The following LAMA2 variants were observed in gnomAD, a reference collection of about 807,000 sequenced individuals.
The protein encoded by LAMA2 is laminin subunit alpha 2.
LAMA2 carries 269 observed loss-of-function variants against 364.8 expected under a neutral mutation model. The observed-to-expected ratio is 0.74, with a 90% CI of 0.67 to 0.82. LAMA2 has a LOEUF of 0.82. LAMA2 is among the 40% of genes least tolerant of loss of function. The pLI is 0.00. For missense variants in LAMA2, 3,807 were observed against 3,873.2 expected (o/e 0.98, Z 0.45); for synonymous variants, 1,379 against 1,370.6 (o/e 1.01, Z -0.14).
chr6:129,276,146 C>T (rs1469310511), intron 17 of LAMA2, among the ~76,000 whole-genome samples: 6 of 152,002 alleles, frequency 3.9e-5, no homozygotes, highest in African/African-American at 1.4e-4. Flanking sequence ...TGCCCCTTTT[C>T]AGTTATGTGT....
chr6:129,034,391 T>G (rs1786462230), intron 1 of LAMA2, among the ~76,000 whole-genome samples: 1 of 152,150 alleles, frequency 6.6e-6, no homozygotes, highest in Non-Finnish European at 1.5e-5. Flanking sequence ...AGAGGTGCAC[T>G]ATTTTGTCCT....
intron 1 of LAMA2, among the ~76,000 whole-genome samples, chr6:128,886,187 AG>A (rs767034871): frequency 1.6e-4 from 24 of 152,148 alleles, no homozygotes; most frequent in Admixed American, 5.9e-4. Flanking sequence ...AAATTGATAG[AG>A]GTGGCTAAGC....
At chr6:129,156,010 A>G (rs1779092411) in intron 8 of LAMA2, among the ~76,000 whole-genome samples, 1 of 151,950 alleles carries the variant, frequency 6.6e-6, no homozygotes, top group Non-Finnish European at 1.5e-5. Flanking sequence ...TACATTGAAG[A>G]TATTTATTGT....
intron 1 of LAMA2, among the ~76,000 whole-genome samples, chr6:129,032,848 G>A (rs1018338759): frequency 2.6e-5 from 4 of 152,052 alleles, no homozygotes. Context: ...AACGACTCCC[G>A]GTTTTCTCTA....
intron 63 of LAMA2, among the ~76,000 whole-genome samples, chr6:129,512,950 T>C (rs1204844043): frequency 3.3e-5 from 5 of 152,156 alleles, no homozygotes; most frequent in Non-Finnish European, 5.9e-5. Context: ...TCTCAATTTG[T>C]TTAAAAAAGC....
intron 1 of LAMA2, among the ~76,000 whole-genome samples, chr6:128,884,582 T>C (rs1161527468): frequency 6.6e-6 from 1 of 152,186 alleles, no homozygotes; most frequent in East Asian, 1.9e-4. Flanking sequence ...AACTCCCTGA[T>C]TAAAATTCTT....
chr6:129,149,224 G>T, intron 7 of LAMA2, 128 bp downstream of exon 7: 1 of 724,858 alleles, frequency 1.4e-6, no homozygotes, highest in Admixed American at 1.9e-5. Context: ...TTATCACTTC[G>T]AAGACAACCC....
rs147847417 is a variant in LAMA2 at position 129,289,676 on chromosome 6, T to C, written c.2749+1618T>C. ...TTAATTATTATTTTATTATGGTAAT[T>C]AATTATTGTAGAAAATTATTATGGG... On this transcript the variant is annotated intron_variant, in intron 19 of 64. Coordinates refer to ENST00000421865, the MANE Select transcript of LAMA2 (RefSeq NM_000426.4). 4.2e-3 allele frequency among the ~76,000 whole-genome samples: 643 copies of C among 152,196 alleles called. 2 individuals are homozygous for C. Among genetic ancestry groups the C allele is most frequent in the African/African-American group, 0.014 (594 of 41,532 alleles).
At chr6:129,201,230 A>C (rs1252989026) in intron 12 of LAMA2, among the ~76,000 whole-genome samples, 1 of 152,182 alleles carries the variant, frequency 6.6e-6, no homozygotes, top group Non-Finnish European at 1.5e-5. Flanking sequence ...GTATATTGAG[A>C]AAAAAGCCAA....
chr6:129,257,924 ATTGT>A lies in LAMA2; in HGVS notation c.2097-2782_2097-2779del, dbSNP rs561405685. Among the ~76,000 whole-genome samples the A allele has an allele frequency of 1.4e-4, 22 of 152,196 alleles. No homozygotes were observed. In the South Asian group the frequency reaches 1.7e-3, roughly 11 times the overall value. On this transcript the variant is annotated intron_variant, in intron 14 of 64. Coordinates refer to ENST00000421865, the MANE Select transcript of LAMA2 (RefSeq NM_000426.4). ...TCCTTTGCCATGGAGTTTGTTAGTCATTGTTTGTAATAGAACTGTTTTCCATTCA... is the reference window on the plus strand; with the variant it reads ...TCCTTTGCCATGGAGTTTGTTAGTCATTGTAATAGAACTGTTTTCCATTCA...
chr6:128,897,819 C>T (rs1776860979), intron 1 of LAMA2, among the ~76,000 whole-genome samples: 1 of 152,118 alleles, frequency 6.6e-6, no homozygotes. Flanking sequence ...AATGGAAGTC[C>T]TATCGGCCAG....
At chr6:129,309,509 AG>A (rs771100260) in intron 22 of LAMA2, among the ~76,000 whole-genome samples, 24 of 152,256 alleles carry the variant, frequency 1.6e-4, no homozygotes, top group Non-Finnish European at 2.6e-4. Context: ...GATGCCTCAC[AG>A]GATAATTTAA....
chr6:128,929,393 A>AT, intron 1 of LAMA2: 1 of 927,974 alleles, frequency 1.1e-6, no homozygotes, highest in Non-Finnish European at 1.8e-6. Context: ...TCATGTGAGG[A>AT]TGAGTGATAG....
At chr6:129,327,646 G>A (rs1385331641) in intron 28 of LAMA2, among the ~76,000 whole-genome samples, 1 of 152,164 alleles carries the variant, frequency 6.6e-6, no homozygotes, top group Admixed American at 6.5e-5. Flanking sequence ...AAATGAAGAT[G>A]GAAGTCTTGA....
intron 12 of LAMA2, among the ~76,000 whole-genome samples, chr6:129,203,311 A>G (rs1258682912): frequency 6.6e-6 from 1 of 152,220 alleles, no homozygotes; most frequent in Non-Finnish European, 1.5e-5. Context: ...AACTATCTGT[A>G]TCCAGTGGAT....
intron 12 of LAMA2, among the ~76,000 whole-genome samples, chr6:129,225,554 A>G (rs1784197000): frequency 6.6e-6 from 1 of 152,160 alleles, no homozygotes; most frequent in Non-Finnish European, 1.5e-5. Flanking sequence ...CATTAGTTTC[A>G]AAGAACATCT....
chr6:129,055,204 T>TTATTATTATTAG (rs1260815497), intron 2 of LAMA2, among the ~76,000 whole-genome samples: 2 of 149,548 alleles, frequency 1.3e-5, no homozygotes, highest in Non-Finnish European at 3.0e-5. Context: ...ATTATTATTA[T>TTATTATTATTAG]TATTTGAGAT....
intron 34 of LAMA2, among the ~76,000 whole-genome samples, chr6:129,372,904 G>A (rs890484983): frequency 2.6e-5 from 4 of 152,096 alleles, no homozygotes; most frequent in African/African-American, 9.7e-5. Context: ...ATATGATGTC[G>A]AGCATCTTTT....
intron 38 of LAMA2, among the ~76,000 whole-genome samples, chr6:129,401,607 C>T (rs1173712476): frequency 2.0e-5 from 3 of 152,174 alleles, no homozygotes; most frequent in Non-Finnish European, 2.9e-5. Context: ...ATTTCTTGTT[C>T]CTAGAGCAGC....
Sources: allele counts gnomAD v4.1 joint callset (sites outside exome capture counted in the v4.1 genomes callset), GRCh38; gene constraint gnomAD v4.1.1; transcripts MANE v1.5; gene names NCBI Gene and HGNC (gene_info 2026-07-23, HGNC 2026-07-21).